PPP1R9A: variants seen among roughly 807,000 people sequenced by gnomAD.
PPP1R9A encodes protein phosphatase 1 regulatory subunit 9A.
Under a neutral mutation model 141.9 loss-of-function variants are expected in PPP1R9A, and 59 were observed. The ratio of observed to expected loss-of-function variants is 0.42; its 90% CI spans 0.34 to 0.52. PPP1R9A has a LOEUF of 0.52. Among genes scored for constraint, PPP1R9A ranks in the 20% least tolerant of loss-of-function variants. The pLI is 0.10. For missense variants in PPP1R9A, 1,444 were observed against 1,611.9 expected (o/e 0.90, Z 1.78); for synonymous variants, 500 against 569.7 (o/e 0.88, Z 1.74).
chr7:95,039,327 G>A (rs1349265029), intron 2 of PPP1R9A, among the ~76,000 whole-genome samples: 2 of 152,120 alleles, frequency 1.3e-5, no homozygotes, highest in Non-Finnish European at 2.9e-5. Flanking sequence ...CCAGCACTTT[G>A]GGAGGCTGAG....
chr7:95,106,573 G>C (rs1302622057), intron 2 of PPP1R9A, among the ~76,000 whole-genome samples: 10 of 152,026 alleles, frequency 6.6e-5, no homozygotes, highest in Non-Finnish European at 7.4e-5. Flanking sequence ...CTCTACTGGT[G>C]GACAATTAGG....
chr7:95,241,984 G>A (rs73221995), intron 8 of PPP1R9A, among the ~76,000 whole-genome samples: 195 of 152,202 alleles, frequency 1.3e-3, no homozygotes, highest in Non-Finnish European at 2.2e-3. Flanking sequence ...CTCACCCAAT[G>A]CTACATATGC....
rs1166103728 is a variant in PPP1R9A, at chr7:95,108,307, C to CTTTTTTTTTTTTTTT, written c.1396-2940_1396-2926dup. 8.4e-5 allele frequency among the ~76,000 whole-genome samples: 5 copies of CTTTTTTTTTTTTTTT among 59,594 alleles called. 1 individual carries two copies. The highest frequency in any genetic ancestry group is 2.2e-4 in the African/African-American group (3 of 13,860). 39.1% of individuals were successfully genotyped at this position (59,594 alleles called of 152,430 possible). A position where few individuals can be genotyped will look rare whatever the true frequency, so the allele number is the denominator to read the frequency against. On this transcript the variant is annotated intron_variant, in intron 2 of 19. Coordinates refer to ENST00000433360, the MANE Select transcript of PPP1R9A (RefSeq NM_001166160.2). ...TTTTCTTTTCTTTTTCGTTTCTTTTCTTTTTTTTTTTTTTTTTTTTTTTTT... is the reference window on the plus strand; with the variant it reads ...TTTTCTTTTCTTTTTCGTTTCTTTTCTTTTTTTTTTTTTTTTTTTTTTTTTTTTTTTTTTTTTTTT...
At chr7:95,277,941 G>A (rs1210340986) in intron 16 of PPP1R9A, among the ~76,000 whole-genome samples, 1 of 152,144 alleles carries the variant, frequency 6.6e-6, no homozygotes, top group Non-Finnish European at 1.5e-5. Flanking sequence ...AACTCTGTGA[G>A]ATGTGTGTAT....
intron 2 of PPP1R9A, among the ~76,000 whole-genome samples, chr7:95,065,114 A>G (rs1268746835): frequency 6.6e-6 from 1 of 152,126 alleles, no homozygotes; most frequent in African/African-American, 2.4e-5. Context: ...CACTGAGGCT[A>G]GAGTGCAGTG....
At chr7:95,222,764 G>A (rs1308534153) in intron 7 of PPP1R9A, among the ~76,000 whole-genome samples, 1 of 151,856 alleles carries the variant, frequency 6.6e-6, no homozygotes, top group Non-Finnish European at 1.5e-5. Flanking sequence ...GGTTTTTTTG[G>A]TACAACATTG....
intron 8 of PPP1R9A, among the ~76,000 whole-genome samples, chr7:95,246,221 C>T (rs139042825): frequency 6.6e-6 from 1 of 152,170 alleles, no homozygotes; most frequent in African/African-American, 2.4e-5. Context: ...GGTTGCAAAC[C>T]CAAGAGAGGG....
chr7:95,293,911 C>T lies in PPP1R9A; in HGVS notation c.*3608C>T, dbSNP rs1268324260. ...CTTCAAGAGGAGATCCAGTGTTTAA[C>T]AATAGTGTTCTAGAGGATTCTAAAG... On this transcript the variant is annotated 3_prime_UTR_variant, in exon 20 of 20. Coordinates refer to ENST00000433360, the MANE Select transcript of PPP1R9A (RefSeq NM_001166160.2). The T allele has an allele frequency of 6.6e-6, 1 of 152,220 alleles. No homozygotes were observed. The highest frequency in any genetic ancestry group is 2.4e-5 in the African/African-American group (1 of 41,460). The allele number at this position is 152,220 out of a possible 1,614,324, so 9.4% of individuals were successfully genotyped here. A position where few individuals can be genotyped will look rare whatever the true frequency, so the allele number is the denominator to read the frequency against.
At chr7:94,932,763 A>ATTTT (rs34284096) in intron 2 of PPP1R9A, among the ~76,000 whole-genome samples, 2 of 119,764 alleles carry the variant, frequency 1.7e-5, no homozygotes, top group Non-Finnish European at 1.7e-5. Context: ...TACCTGAAGC[A>ATTTT]TTTTTTTTTT....
At position 95,011,144 on chromosome 7, in the gene PPP1R9A, T is replaced by C. The variant is rs181764248; in HGVS notation, c.1395+99636T>C. ...CCAAAATACCTCATGCTCAATATTA[T>C]GTTATATTTAAAATGAGAATCATGC... On this transcript the variant is annotated intron_variant, in intron 2 of 19. Coordinates refer to ENST00000433360, the MANE Select transcript of PPP1R9A (RefSeq NM_001166160.2). Among the ~76,000 whole-genome samples the C allele has an allele frequency of 1.6e-3, 242 of 152,328 alleles. 2 individuals carry two copies. The highest frequency in any genetic ancestry group is 2.9e-3 in the Non-Finnish European group (199 of 68,024).
At chr7:94,969,195 G>A (rs1276425696) in intron 2 of PPP1R9A, among the ~76,000 whole-genome samples, 2 of 152,112 alleles carry the variant, frequency 1.3e-5, no homozygotes, top group African/African-American at 4.8e-5. Context: ...CTGGCAAAGA[G>A]TTGTGATGAT....
intron 5 of PPP1R9A, among the ~76,000 whole-genome samples, chr7:95,197,635 C>A (rs970768627): frequency 6.6e-6 from 1 of 152,034 alleles, no homozygotes; most frequent in East Asian, 1.9e-4. Flanking sequence ...TTATGCTATG[C>A]GTCAAAATGT....
intron 8 of PPP1R9A, among the ~76,000 whole-genome samples, chr7:95,228,847 C>G (rs144237765): frequency 1.3e-5 from 2 of 152,034 alleles, no homozygotes; most frequent in African/African-American, 4.8e-5. Flanking sequence ...AAAATTTTAT[C>G]GTGCCCTTTA....
intron 2 of PPP1R9A, among the ~76,000 whole-genome samples, chr7:95,067,696 G>A (rs1342974187): frequency 1.6e-5 from 2 of 123,380 alleles, no homozygotes; most frequent in East Asian, 3.9e-4. Flanking sequence ...CTCATGTATG[G>A]CAAAGTATTT....
At chr7:95,258,667 A>T (rs1799971267) in intron 12 of PPP1R9A, among the ~76,000 whole-genome samples, 1 of 152,220 alleles carries the variant, frequency 6.6e-6, no homozygotes, top group African/African-American at 2.4e-5. Flanking sequence ...AAATCATAAG[A>T]AAAACACAAC....
At chr7:95,245,154 A>G (rs936053322) in intron 8 of PPP1R9A, among the ~76,000 whole-genome samples, 2 of 152,134 alleles carry the variant, frequency 1.3e-5, no homozygotes, top group Admixed American at 6.5e-5. Context: ...GTGCATATAC[A>G]TTATTTGTTT....
chr7:95,287,012 T>C, intron 18 of PPP1R9A: 4 of 1,330,784 alleles, frequency 3.0e-6, no homozygotes, highest in Non-Finnish European at 4.2e-6. Flanking sequence ...TCAAGCTTGG[T>C]GCAATTTTAA....
chr7:95,227,058 C>A (rs1211472217), intron 8 of PPP1R9A, among the ~76,000 whole-genome samples: 1 of 152,100 alleles, frequency 6.6e-6, no homozygotes, highest in Non-Finnish European at 1.5e-5. Flanking sequence ...AAGAGCAATG[C>A]AGAAAAAGAA....
chr7:95,139,546 C>T (rs1478039954), intron 4 of PPP1R9A, among the ~76,000 whole-genome samples: 1 of 152,100 alleles, frequency 6.6e-6, no homozygotes, highest in Non-Finnish European at 1.5e-5. Flanking sequence ...CTGTGATTTT[C>T]AAAATTGCTT....
Sources: gnomAD v4.1 joint callset for allele counts (sites outside exome capture counted in the v4.1 genomes callset) on GRCh38, gnomAD v4.1.1 for gene constraint, MANE v1.5 for transcripts, NCBI Gene and HGNC (gene_info 2026-07-23, HGNC 2026-07-21) for gene names.